Variants in BCAR3 observed in about 807,000 individuals in gnomAD.
BCAR3 encodes the protein breast cancer anti-estrogen resistance protein 3.
BCAR3 carries 37 observed loss-of-function variants against 80.1 expected under a neutral mutation model. The observed-to-expected ratio is 0.46, with a 90% CI of 0.36 to 0.61. The LOEUF (loss-of-function observed/expected upper bound fraction) is 0.61. Among genes scored for constraint, BCAR3 ranks in the 20% least tolerant of loss-of-function variants. The pLI is 0.00. For missense variants in BCAR3, 978 were observed against 1,068.2 expected (o/e 0.92, Z 1.18); for synonymous variants, 389 against 418.9 (o/e 0.93, Z 0.87).
intron 3 of BCAR3, among the ~76,000 whole-genome samples, chr1:93,626,758 C>T (rs1675468050): frequency 6.6e-6 from 1 of 152,194 alleles, no homozygotes; most frequent in African/African-American, 2.4e-5. Context: ...CCCTCGAGTA[C>T]ATGTCTCTTT....
chr1:93,587,163 C>T (rs1335871625), intron 5 of BCAR3, among the ~76,000 whole-genome samples: 3 of 152,102 alleles, frequency 2.0e-5, no homozygotes, highest in African/African-American at 4.8e-5. Flanking sequence ...AGAGTTTTTC[C>T]TATAGAGTTG....
intron 3 of BCAR3, among the ~76,000 whole-genome samples, chr1:93,635,611 G>A (rs771195111): frequency 9.2e-5 from 14 of 152,156 alleles, no homozygotes; most frequent in South Asian, 2.1e-4. Context: ...GCTCCCTTTC[G>A]TCCCTCTGCA....
In BCAR3 at chr1:93,790,222, G is replaced by T. The variant is rs60188127; in HGVS notation, c.-63+55345C>A. Among the ~76,000 whole-genome samples the T allele has an allele frequency of 7.8e-3, 1,181 of 151,766 alleles. 17 individuals carry two copies. Among genetic ancestry groups the T allele is most frequent in the African/African-American group, 0.027 (1,136 of 41,380 alleles). On this transcript the variant is annotated intron_variant, in intron 2 of 13. Coordinates refer to the BCAR3 transcript ENST00000370244. Reference sequence around the variant, plus strand: ...AGTGAACAACCGAGAGGTTCATTTGGCTAAAGACAATGAAGAAAAGAAATA... The same window carrying T: ...AGTGAACAACCGAGAGGTTCATTTGTCTAAAGACAATGAAGAAAAGAAATA...
chr1:93,576,643 C>T (rs988144332), intron 7 of BCAR3, among the ~76,000 whole-genome samples: 1 of 152,238 alleles, frequency 6.6e-6, no homozygotes, highest in Non-Finnish European at 1.5e-5. Context: ...TCAGTAAATG[C>T]TCTATACGTC....
chr1:93,626,181 T>C (rs1465827679), intron 3 of BCAR3, among the ~76,000 whole-genome samples: 2 of 152,208 alleles, frequency 1.3e-5, no homozygotes, highest in African/African-American at 2.4e-5. Flanking sequence ...AGGCCCACAA[T>C]TGAGAACCCT....
chr1:93,567,798 A>C lies in BCAR3; in HGVS notation c.2028T>G (p.Thr676=), dbSNP rs202243536. The C allele has an allele frequency of 1.9e-6, 3 of 1,614,234 alleles. No individual in the cohort carries two copies. In the East Asian group the frequency reaches 6.7e-5, roughly 36 times the overall value. Residue 676 remains threonine, a synonymous_variant, in exon 10 of 12, where the codon ACT becomes ACG. Transcript: ENST00000260502. ...TCAGCTGTTTCTCATAGAGAATGGC[A>C]GTTTGGGTGTACTGGTGCCGCAGAG... is the stretch of plus-strand genomic sequence containing the variant. ...WTALRHQYTQ[T]AILYEKQLKP...
chr1:93,826,795 T>G (rs570091915), intron 2 of BCAR3, among the ~76,000 whole-genome samples: 185 of 150,368 alleles, frequency 1.2e-3, no homozygotes, highest in Non-Finnish European at 2.3e-3. Flanking sequence ...GAGGTAGGGG[T>G]GTGTGTGTGT....
At chr1:93,765,146 T>C (rs975285196) in intron 2 of BCAR3, among the ~76,000 whole-genome samples, 2 of 152,196 alleles carry the variant, frequency 1.3e-5, no homozygotes, top group East Asian at 3.9e-4. Context: ...CAACTCCTAA[T>C]TAAGGACCAA....
intron 1 of BCAR3, among the ~76,000 whole-genome samples, chr1:93,678,949 T>C (rs1466004367): frequency 6.6e-6 from 1 of 152,210 alleles, no homozygotes; most frequent in Non-Finnish European, 1.5e-5. Context: ...CTTGGAAATA[T>C]TTCTGTCTCA....
At chr1:93,611,556 G>T (rs1233164192) in intron 3 of BCAR3, among the ~76,000 whole-genome samples, 3 of 152,132 alleles carry the variant, frequency 2.0e-5, no homozygotes, top group Non-Finnish European at 4.4e-5. Context: ...CCTCAACATG[G>T]CTGGAACATC....
intron 2 of BCAR3, among the ~76,000 whole-genome samples, chr1:93,730,130 G>A (rs1456146469): frequency 6.6e-6 from 1 of 151,972 alleles, no homozygotes; most frequent in Non-Finnish European, 1.5e-5. Flanking sequence ...TCCTCCAGAT[G>A]TCCCTCTTGA....
intron 2 of BCAR3, among the ~76,000 whole-genome samples, chr1:93,832,502 C>A (rs1483959889): frequency 4.6e-5 from 7 of 152,200 alleles, no homozygotes; most frequent in African/African-American, 1.7e-4. Flanking sequence ...TGACTCCTTT[C>A]CAGATCTTCT....
intron 2 of BCAR3, among the ~76,000 whole-genome samples, chr1:93,777,502 C>T (rs1194805867): frequency 1.3e-5 from 2 of 150,836 alleles, no homozygotes; most frequent in African/African-American, 4.9e-5. Context: ...CCTCCACCTC[C>T]TCCTCCTCCA....
chr1:93,785,556 G>A (rs1293840809), intron 2 of BCAR3, among the ~76,000 whole-genome samples: 1 of 152,204 alleles, frequency 6.6e-6, no homozygotes, highest in South Asian at 2.1e-4. Flanking sequence ...ATATTTGGAT[G>A]TATACAAAAA....
chr1:93,671,287 C>G (rs911232281), intron 2 of BCAR3, among the ~76,000 whole-genome samples: 1 of 152,168 alleles, frequency 6.6e-6, no homozygotes, highest in Non-Finnish European at 1.5e-5. Context: ...GCCACCAAGC[C>G]CGGCCTATAA....
chr1:93,582,710 T>G lies in BCAR3; in HGVS notation c.1277A>C (p.Glu426Ala). Residue 426 changes from glutamate to alanine, a missense_variant, in exon 7 of 12, where the codon GAG (glutamate) becomes GCG (alanine). Physicochemically the swap from Glu to Ala is moderately radical, Grantham distance 107. Transcript: ENST00000260502. ...PSSPSAWLNS[E>A]ANYCELNPAF... is the part of the protein sequence containing the mutation. The stretch of plus-strand genomic sequence containing the variant: ...TGGGTTCAGTTCACAGTAGTTGGCC[T>G]CTGAGTTGAGCCAGGCAGAGGGAGA... The G allele has an allele frequency of 3.1e-6, 5 of 1,614,112 alleles. No individual in the cohort carries two copies. The highest frequency in any genetic ancestry group is 4.2e-6 in the Non-Finnish European group (5 of 1,180,010).
At position 93,589,320 on chromosome 1, in the gene BCAR3, C is replaced by T. The variant is rs200436960; in HGVS notation, c.586G>A (p.Ala196Thr). The change falls in exon 5 of 12, where the codon GCT becomes ACT. Residue 196 changes from alanine (A) to threonine (T), a missense_variant. Coordinates refer to ENST00000260502, the MANE Select transcript of BCAR3 (RefSeq NM_003567.4). ...GTCCGGTTGATTTTGAAGTGCTGAGCGAGGTTCTTCCACTGACAGGTCAGG... is the reference window on the plus strand; with the variant it reads ...GTCCGGTTGATTTTGAAGTGCTGAGTGAGGTTCTTCCACTGACAGGTCAGG... ...FVLTCQWKNL[A>T]QHFKINRTVL... 1.5e-4 allele frequency: 247 copies of T among 1,614,126 alleles called. No homozygotes were observed. The highest frequency in any genetic ancestry group is 4.9e-4 in the Middle Eastern group (3 of 6,062).
intron 1 of BCAR3, among the ~76,000 whole-genome samples, chr1:93,678,310 C>T (rs1234345964): frequency 6.6e-6 from 1 of 152,186 alleles, no homozygotes; most frequent in Non-Finnish European, 1.5e-5. Flanking sequence ...GAGTATCATT[C>T]AATCAATAGA....
intron 2 of BCAR3, among the ~76,000 whole-genome samples, chr1:93,752,637 G>C (rs951274925): frequency 1.2e-4 from 18 of 152,216 alleles, no homozygotes; most frequent in Non-Finnish European, 2.2e-4. Flanking sequence ...GCATTTGGAC[G>C]CACTTTCTTT....
Sources: allele counts gnomAD v4.1 joint callset (sites outside exome capture counted in the v4.1 genomes callset), GRCh38; gene constraint gnomAD v4.1.1; transcripts MANE v1.5; gene names NCBI Gene and HGNC (gene_info 2026-07-23, HGNC 2026-07-21).